Variants in GGT5 observed in about 807,000 individuals in gnomAD.
GGT5 encodes glutathione hydrolase 5 proenzyme.
In GGT5, 50 loss-of-function variants were observed where a neutral mutation model predicts 58.1. The ratio of observed to expected loss-of-function variants is 0.86; its 90% CI spans 0.69 to 1.09. The LOEUF (loss-of-function observed/expected upper bound fraction) is 1.09. GGT5 is among the 50% of genes least tolerant of loss of function. GGT5 has a pLI of 0.00. For missense variants in GGT5, 800 were observed against 789.4 expected (o/e 1.01, Z -0.16); for synonymous variants, 370 against 346.1 (o/e 1.07, Z -0.77).
At chr22:24,238,905 ATT>A (rs1491455377) in intron 1 of GGT5, among the ~76,000 whole-genome samples, 722 of 14,740 alleles carry the variant, frequency 0.049, 97 homozygotes, top group African/African-American at 0.14. Context: ...ATATATATAT[ATT>A]ATATATATTA....
chr22:24,231,985 CCCCAGTG>C, intron 5 of GGT5, 59 bp downstream of exon 5: 1 of 1,382,166 alleles, frequency 7.2e-7, no homozygotes, highest in South Asian at 1.2e-5. Context: ...TGCCCTCAAC[CCCCAGTG>C]CCCAGAACTT....
intron 11 of GGT5, among the ~76,000 whole-genome samples, chr22:24,223,837 A>G (rs964815113): frequency 3.7e-5 from 5 of 134,126 alleles, no homozygotes; most frequent in Non-Finnish European, 7.5e-5. Context: ...ATCTTGGCTC[A>G]CTGCAACCTC....
chr22:24,223,754 C>CTTTTT (rs898258352), intron 11 of GGT5, among the ~76,000 whole-genome samples: 13 of 79,460 alleles, frequency 1.6e-4, no homozygotes, highest in African/African-American at 2.1e-4. Context: ...TGCTATCAAT[C>CTTTTT]TTTTTTTTTT....
intron 11 of GGT5, among the ~76,000 whole-genome samples, chr22:24,224,149 G>A (rs1447922034): frequency 6.6e-6 from 1 of 152,140 alleles, no homozygotes; most frequent in Non-Finnish European, 1.5e-5. Context: ...TCTAAGGATA[G>A]AGGGGGAGTC....
intron 11 of GGT5, 61 bp from the exon 12 acceptor site, chr22:24,220,177 G>A (rs2047549185): frequency 6.6e-7 from 1 of 1,521,366 alleles, no homozygotes; most frequent in South Asian, 1.2e-5. Context: ...CCAGGAGGGA[G>A]AGGCCTCTGC....
intron 11 of GGT5, among the ~76,000 whole-genome samples, chr22:24,221,655 A>G (rs1276590266): frequency 2.0e-5 from 3 of 152,082 alleles, no homozygotes; most frequent in Non-Finnish European, 4.4e-5. Context: ...GGGATTACAG[A>G]TGCCTGCCAC....
chr22:24,225,149 G>T, intron 10 of GGT5, 43 bp from the exon 11 acceptor site: 1 of 1,571,644 alleles, frequency 6.4e-7, no homozygotes, highest in Non-Finnish European at 8.7e-7. Flanking sequence ...GGGGCACCCT[G>T]CTACCCTACA....
chr22:24,238,807 A>ATT (rs373845559), intron 1 of GGT5, among the ~76,000 whole-genome samples: 1 of 2,218 alleles, frequency 4.5e-4, no homozygotes, highest in African/African-American at 2.4e-3. Context: ...ATATATATAT[A>ATT]ATATATTATA....
intron 1 of GGT5, chr22:24,241,637 G>A (rs991912135): frequency 2.0e-5 from 3 of 152,106 alleles, no homozygotes; most frequent in Admixed American, 6.6e-5. Context: ...AAACAACGGG[G>A]CACCAGAGCT....
chr22:24,229,329 C>A (rs990680127), intron 6 of GGT5, among the ~76,000 whole-genome samples: 2 of 150,122 alleles, frequency 1.3e-5, no homozygotes, highest in African/African-American at 4.9e-5. Context: ...ATCGCTTGAA[C>A]CCAGGAGGCA....
chr22:24,227,987 T>C (rs2047817302), intron 6 of GGT5, among the ~76,000 whole-genome samples: 1 of 134,380 alleles, frequency 7.4e-6, no homozygotes, highest in Admixed American at 9.0e-5. Context: ...AGGAGGAGGT[T>C]GCAGTGAGGC....
At position 24,225,162 on chromosome 22, in the gene GGT5, A is replaced by G. The variant is rs1056441583; in HGVS notation, c.1504-56T>C. ...AGGGGGCACCCTGCTACCCTACATC[A>G]GCCCTCACATCCCCACTCCAGAGAC... On this transcript the variant is annotated intron_variant, in intron 10 of 11. Coordinates refer to ENST00000327365, the MANE Select transcript of GGT5 (RefSeq NM_004121.5). 9 of 1,574,450 alleles carry G rather than the reference A, an allele frequency of 5.7e-6. No homozygotes were observed. In the Admixed American group the frequency reaches 1.2e-4, roughly 21 times the overall value.
Position 24,233,540 on chromosome 22 carries a change from T to C in GGT5, c.358A>G (p.Ser120Gly). The C allele has an allele frequency of 6.2e-7, 1 of 1,609,700 alleles. No individual in the cohort carries two copies. Among genetic ancestry groups the C allele is most frequent in the Non-Finnish European group, 8.5e-7 (1 of 1,179,274 alleles). The change falls in exon 3 of 12, where the codon AGC (serine) becomes GGC (glycine). Residue 120 changes from serine (S) to glycine (G), a missense_variant. Ser to Gly is a moderately conservative substitution (Grantham distance 56). Coordinates refer to ENST00000327365, the MANE Select transcript of GGT5 (RefSeq NM_004121.5). ...GCCTGTGCACACTGGTCCAGCAGGC[T>C]CGGGGCGTGGCTGGCCGGCACCGTC... ...RETVPASHAPSLLDQCAQALP... is the reference protein window; with the variant it reads ...RETVPASHAPGLLDQCAQALP...
Position 24,225,424 on chromosome 22 carries a change from C to T in GGT5, c.1337-13G>A. ...CTGTCTCCACTCACTGCTGAGCAAACAGCGTCTTGGCAAGTGCAGTGACCC... is the reference window on the plus strand; with the variant it reads ...CTGTCTCCACTCACTGCTGAGCAAATAGCGTCTTGGCAAGTGCAGTGACCC... On this transcript the variant is annotated splice_polypyrimidine_tract_variant and intron_variant, in intron 9 of 11. Transcript: ENST00000327365. 6.2e-7 allele frequency: 1 copy of T among 1,605,228 alleles called. No homozygotes were observed. The highest frequency in any genetic ancestry group is 8.5e-7 in the Non-Finnish European group (1 of 1,174,428).
At position 24,219,823 on chromosome 22, in the gene GGT5, G is replaced by C; in HGVS notation, c.*147C>G. 1 of 723,550 alleles carries C rather than the reference G, an allele frequency of 1.4e-6. No individual in the cohort carries two copies. The highest frequency in any genetic ancestry group is 2.3e-6 in the Non-Finnish European group (1 of 441,206). 44.8% of individuals were successfully genotyped at this position (723,550 alleles called of 1,614,324 possible). Reference sequence around the variant, plus strand: ...TGAGGCTCAGCCTCTCATCTGCCCAGCTGGTCCCCGCCACCTCTTCCACTC... The same window carrying C: ...TGAGGCTCAGCCTCTCATCTGCCCACCTGGTCCCCGCCACCTCTTCCACTC... On this transcript the variant is annotated 3_prime_UTR_variant, in exon 12 of 12. Transcript: ENST00000327365.
intron 1 of GGT5, among the ~76,000 whole-genome samples, chr22:24,238,177 C>T (rs929797780): frequency 4.8e-5 from 7 of 145,166 alleles, no homozygotes; most frequent in African/African-American, 1.0e-4. Context: ...TGCAGGAAGC[C>T]GAGATCTTCC....
At chr22:24,237,364 G>C (rs1455232083) in intron 1 of GGT5, among the ~76,000 whole-genome samples, 1 of 152,010 alleles carries the variant, frequency 6.6e-6, no homozygotes, top group Non-Finnish European at 1.5e-5. Flanking sequence ...ATGCATAAAG[G>C]AGATCCCAGA....
intron 11 of GGT5, among the ~76,000 whole-genome samples, chr22:24,222,800 G>A (rs1030395116): frequency 3.9e-5 from 6 of 152,134 alleles, no homozygotes; most frequent in South Asian, 4.2e-4. Flanking sequence ...GGGAGGGGCC[G>A]GGCGCGGTGG....
chr22:24,228,085 A>T (rs899086885), intron 6 of GGT5, among the ~76,000 whole-genome samples: 6 of 146,682 alleles, frequency 4.1e-5, no homozygotes, highest in Admixed American at 6.8e-5. Context: ...AAAAAAAAAA[A>T]CTCTGAAAAA....
Sources: gnomAD v4.1 joint callset for allele counts (sites outside exome capture counted in the v4.1 genomes callset) on GRCh38, gnomAD v4.1.1 for gene constraint, MANE v1.5 for transcripts, NCBI Gene and HGNC (gene_info 2026-07-23, HGNC 2026-07-21) for gene names.